Variants in RFTN1 observed in about 807,000 individuals in gnomAD.
The protein encoded by RFTN1 is raftlin, lipid raft linker 1.
RFTN1 carries 26 observed loss-of-function variants against 46.5 expected under a neutral mutation model. That is an observed-to-expected ratio of 0.56 (90% CI 0.41 to 0.78). RFTN1 has a LOEUF of 0.78. RFTN1 is among the 30% of genes least tolerant of loss of function. RFTN1 has a pLI of 0.00. For missense variants in RFTN1, 693 were observed against 718.7 expected, an observed-to-expected ratio of 0.96 and a Z score of 0.41; for synonymous variants, 261 against 284.2, an observed-to-expected ratio of 0.92 and a Z score of 0.82.
intron 1 of RFTN1, among the ~76,000 whole-genome samples, chr3:16,508,756 G>A (rs1356679346): frequency 1.3e-5 from 2 of 151,610 alleles, no homozygotes; most frequent in African/African-American, 4.9e-5. Context: ...AGCAACATCT[G>A]GCTAAATGTA....
intron 2 of RFTN1, chr3:16,472,445 G>C (rs1405710826): frequency 6.6e-6 from 1 of 152,210 alleles, no homozygotes; most frequent in Non-Finnish European, 1.5e-5. Flanking sequence ...CTCGTTTTGT[G>C]AGAAGAAATT....
In RFTN1 at chr3:16,384,149, C is replaced by A. The variant is rs559594546; in HGVS notation, c.442-6047G>T. Among the ~76,000 whole-genome samples the A allele has an allele frequency of 6.8e-4, 104 of 152,328 alleles. 1 individual carries two copies. Among genetic ancestry groups the A allele is most frequent in the African/African-American group, 2.4e-3 (101 of 41,582 alleles). The stretch of plus-strand genomic sequence containing the variant: ...GCCTCTGGACTGCAACACAGAAATT[C>A]TCCCTGGGTTTTCTCCCCTTCAAAC... On this transcript the variant is annotated intron_variant, in intron 4 of 9. Coordinates refer to ENST00000334133, the MANE Select transcript of RFTN1 (RefSeq NM_015150.2). This position sits in a 1 kb window ranked among gnomAD's most constrained non-coding sequence, Gnocchi z 4.7.
In RFTN1 at chr3:16,327,814, G is replaced by C. The variant is rs2069877501; in HGVS notation, c.1147-938C>G. ...TCAGCCCCCTGCTAGCACAGGGAGA[G>C]AGCCCTGATGTGAGGCCCCTGCACT... On this transcript the variant is annotated intron_variant, in intron 7 of 9. Transcript: ENST00000334133. This position sits in a 1 kb window ranked among gnomAD's most constrained non-coding sequence, Gnocchi z 4.2. 6.6e-6 allele frequency among the ~76,000 whole-genome samples: 1 copy of C among 151,828 alleles called. No individual in the cohort carries two copies. The highest frequency in any genetic ancestry group is 2.1e-4 in the South Asian group (1 of 4,822).
chr3:16,428,389 G>C lies in RFTN1; in HGVS notation c.332+5462C>G, dbSNP rs2075324076. ...GCAATCTGATCTAGTCCTGAAGGAA[G>C]ACATGCATTGGTCAGGTAGAGAGAT... is the stretch of plus-strand genomic sequence containing the variant. On this transcript the variant is annotated intron_variant, in intron 3 of 9. Transcript: ENST00000334133. This position sits in a 1 kb window ranked among gnomAD's most constrained non-coding sequence, Gnocchi z 4.7. 6.6e-6 allele frequency among the ~76,000 whole-genome samples: 1 copy of C among 152,206 alleles called. No individual in the cohort carries two copies. The highest frequency in any genetic ancestry group is 1.5e-5 in the Non-Finnish European group (1 of 68,036).
rs1013422992 is a variant in RFTN1 at position 16,335,120 on chromosome 3, G to A, written c.1147-8244C>T. 2.6e-5 allele frequency among the ~76,000 whole-genome samples: 4 copies of A among 152,204 alleles called. No individual in the cohort carries two copies. The highest frequency in any genetic ancestry group is 9.7e-5 in the African/African-American group (4 of 41,438). On this transcript the variant is annotated intron_variant, in intron 7 of 9. Transcript: ENST00000334133. This position sits in a 1 kb window ranked among gnomAD's most constrained non-coding sequence, Gnocchi z 4.7. Reference sequence around the variant, plus strand: ...TCAACAAATGTAAGACAATAAACTTGCGTTGTTTTAAGTCACTAAATCTGT... The same window carrying A: ...TCAACAAATGTAAGACAATAAACTTACGTTGTTTTAAGTCACTAAATCTGT...
rs956286333 is a variant in RFTN1 at position 16,351,451 on chromosome 3, A to G, written c.1146+6481T>C. Reference sequence around the variant, plus strand: ...GAAATAAAATGGGGGTTAACTCAACAAAAGATTGAATACGCAGGCAGAGAG... The same window carrying G: ...GAAATAAAATGGGGGTTAACTCAACGAAAGATTGAATACGCAGGCAGAGAG... On this transcript the variant is annotated intron_variant, in intron 7 of 9. Transcript: ENST00000334133. This position sits in a 1 kb window ranked among gnomAD's most constrained non-coding sequence, Gnocchi z 5.4. Among the ~76,000 whole-genome samples, 16 of 152,244 alleles carry G rather than the reference A, an allele frequency of 1.1e-4. No homozygotes were observed. The highest frequency in any genetic ancestry group is 3.6e-4 in the African/African-American group (15 of 41,470).
intron 3 of RFTN1, among the ~76,000 whole-genome samples, chr3:16,423,284 G>T (rs190864934): frequency 6.6e-6 from 1 of 152,100 alleles, no homozygotes; most frequent in Non-Finnish European, 1.5e-5. Context: ...TGTCACAACT[G>T]CAGGGATGGG....
chr3:16,367,566 G>A (rs1238308198), intron 6 of RFTN1, among the ~76,000 whole-genome samples: 1 of 152,210 alleles, frequency 6.6e-6, no homozygotes, highest in Non-Finnish European at 1.5e-5. Flanking sequence ...CCTGGGCCCT[G>A]TGGAGGACTT....
Position 16,513,149 on chromosome 3 carries a change from C to G in RFTN1, c.-9+293G>C, listed in dbSNP as rs1387488668. 6.6e-6 allele frequency: 1 copy of G among 152,656 alleles called. No individual in the cohort carries two copies. The highest frequency in any genetic ancestry group is 1.5e-5 in the Non-Finnish European group (1 of 68,394). 9.5% of individuals were successfully genotyped at this position (152,656 alleles called of 1,614,324 possible). A position where few individuals can be genotyped will look rare whatever the true frequency, so the allele number is the denominator to read the frequency against. On this transcript the variant is annotated intron_variant, in intron 1 of 9. Coordinates refer to ENST00000334133, the MANE Select transcript of RFTN1 (RefSeq NM_015150.2). The surrounding 1 kb of genome is among the most constrained non-coding windows in gnomAD (Gnocchi z 5.4). ...TGCAGAGCCTACGACCCCCAACAGG[C>G]TGCTCCGAAGTGCCTCTCCCTACAT...
At chr3:16,505,865 C>A (rs1165778747) in intron 1 of RFTN1, among the ~76,000 whole-genome samples, 1 of 152,182 alleles carries the variant, frequency 6.6e-6, no homozygotes, top group African/African-American at 2.4e-5. Context: ...GATTGCCACT[C>A]TAGGCCATTG....
Position 16,507,210 on chromosome 3 carries a change from C to T in RFTN1, c.-9+6232G>A, listed in dbSNP as rs2076822289. Among the ~76,000 whole-genome samples, 1 of 152,126 alleles carries T rather than the reference C, an allele frequency of 6.6e-6. No homozygotes were observed. The highest frequency in any genetic ancestry group is 1.5e-5 in the Non-Finnish European group (1 of 68,026). On this transcript the variant is annotated intron_variant, in intron 1 of 9. Coordinates refer to ENST00000334133, the MANE Select transcript of RFTN1 (RefSeq NM_015150.2). This position sits in a 1 kb window ranked among gnomAD's most constrained non-coding sequence, Gnocchi z 7.1. ...ATAGAAAGAGCAGTATAAATATTAA[C>T]CGTTTTAGTACTCTACTGGGATTAC...
chr3:16,324,238 G>A (rs1009203623), intron 8 of RFTN1, among the ~76,000 whole-genome samples: 1 of 152,108 alleles, frequency 6.6e-6, no homozygotes, highest in Non-Finnish European at 1.5e-5. Context: ...GATTAAATCA[G>A]GCTACTTAAC....
At position 16,384,207 on chromosome 3, in the gene RFTN1, G is replaced by C. The variant is rs2074089085; in HGVS notation, c.442-6105C>G. Among the ~76,000 whole-genome samples, 1 of 152,158 alleles carries C rather than the reference G, an allele frequency of 6.6e-6. No individual in the cohort carries two copies. The highest frequency in any genetic ancestry group is 1.5e-5 in the Non-Finnish European group (1 of 68,030). On this transcript the variant is annotated intron_variant, in intron 4 of 9. Transcript: ENST00000334133. The surrounding 1 kb of genome is among the most constrained non-coding windows in gnomAD (Gnocchi z 4.7). Reference sequence around the variant, plus strand: ...CTGCAACACCAGTCCTTACCTGAATGTCCAGTCTGCTGGACTGCCCTGCAG... The same window carrying C: ...CTGCAACACCAGTCCTTACCTGAATCTCCAGTCTGCTGGACTGCCCTGCAG...
rs1477321072 is a variant in RFTN1, at chr3:16,450,251, T to A, written c.146-16214A>T. The stretch of plus-strand genomic sequence containing the variant: ...TCATATCTTAAATTCTCCTCCCACC[T>A]CAGGCCTGCCTTGCTTGCAGCTCTG... On this transcript the variant is annotated intron_variant, in intron 2 of 9. Coordinates refer to ENST00000334133, the MANE Select transcript of RFTN1 (RefSeq NM_015150.2). The surrounding 1 kb of genome is among the most constrained non-coding windows in gnomAD (Gnocchi z 4.6). 1.3e-5 allele frequency among the ~76,000 whole-genome samples: 2 copies of A among 152,296 alleles called. No homozygotes were observed. The highest frequency in any genetic ancestry group is 6.5e-5 in the Admixed American group (1 of 15,300).
chr3:16,327,750 G>C lies in RFTN1; in HGVS notation c.1147-874C>G, dbSNP rs1435049054. On this transcript the variant is annotated intron_variant, in intron 7 of 9. Transcript: ENST00000334133. The surrounding 1 kb of genome is among the most constrained non-coding windows in gnomAD (Gnocchi z 4.2). ...CACTCCAGCCTGGGTGACAGAGCGG[G>C]ATTCCCATCTCAAAAAAAAAAACAA... Among the ~76,000 whole-genome samples, 1 of 141,828 alleles carries C rather than the reference G, an allele frequency of 7.1e-6. No individual in the cohort carries two copies. Among genetic ancestry groups the C allele is most frequent in the East Asian group, 2.0e-4 (1 of 4,978 alleles). 93.0% of individuals were successfully genotyped at this position (141,828 alleles called of 152,430 possible).
At chr3:16,415,430 T>TATATATATAC in intron 3 of RFTN1, among the ~76,000 whole-genome samples, 37 of 114,344 alleles carry the variant, frequency 3.2e-4, no homozygotes, top group African/African-American at 8.2e-4. Flanking sequence ...TATATATATA[T>TATATATATAC]ACACACACAC....
chr3:16,395,910 C>T (rs1350037181), intron 4 of RFTN1, among the ~76,000 whole-genome samples: 1 of 152,112 alleles, frequency 6.6e-6, no homozygotes, highest in African/African-American at 2.4e-5. Flanking sequence ...TGAAAGAAAC[C>T]TGTAAAAACT....
intron 2 of RFTN1, among the ~76,000 whole-genome samples, chr3:16,461,933 G>A (rs1358593400): frequency 6.6e-6 from 1 of 152,168 alleles, no homozygotes; most frequent in Non-Finnish European, 1.5e-5. Context: ...TCCAGGTTGA[G>A]GTTTTCTTTT....
intron 2 of RFTN1, among the ~76,000 whole-genome samples, chr3:16,467,856 GAGGA>G (rs2124941733): frequency 6.6e-6 from 1 of 152,348 alleles, no homozygotes; most frequent in South Asian, 2.1e-4. Context: ...GCAGACCCCA[GAGGA>G]AGGAAGTCTA....
Sources: gnomAD v4.1 joint callset for allele counts (sites outside exome capture counted in the v4.1 genomes callset) on GRCh38, gnomAD v4.1.1 for gene constraint, Gnocchi (gnomAD v3.1) non-coding constraint, MANE v1.5 for transcripts, NCBI Gene and HGNC (gene_info 2026-07-23, HGNC 2026-07-21) for gene names.